Variants in CTBS observed in about 807,000 individuals in gnomAD.
CTBS encodes chitobiase, also known as di-N-acetylchitobiase.
CTBS carries 35 observed loss-of-function variants against 44.3 expected under a neutral mutation model. That is an observed-to-expected ratio of 0.79 (90% CI 0.60 to 1.05). CTBS has a LOEUF of 1.05. Among genes scored for constraint, CTBS ranks in the 50% least tolerant of loss-of-function variants. CTBS has a pLI of 0.00. For synonymous variants in CTBS, 143 were observed against 168.0 expected, an observed-to-expected ratio of 0.85 and a Z score of 1.15; for missense variants, 458 against 475.3, an observed-to-expected ratio of 0.96 and a Z score of 0.34.
chr1:84,574,165 T>C (rs1320075277), intron 1 of CTBS, 74 bp downstream of exon 1: 1 of 1,557,088 alleles, frequency 6.4e-7, no homozygotes, highest in Non-Finnish European at 8.7e-7. Flanking sequence ...CACCTCTCCT[T>C]AGGGCTCCGT....
Position 84,574,336 on chromosome 1 carries a change from AGCGCCAG to A in CTBS, c.73_79del (p.Leu25CysfsTer76). On this transcript the variant is annotated frameshift_variant, in exon 1 of 7. Coordinates refer to ENST00000370630, the MANE Select transcript of CTBS (RefSeq NM_004388.3). LOFTEE classifies it high-confidence loss of function. ...GAGCCGCAGCGCCAGCAGCGCCAGC[AGCGCCAG>A]CAGCGCTAGACCCGGGACGCCGCTC... The A allele has an allele frequency of 6.4e-7, 1 of 1,572,428 alleles. No individual in the cohort carries two copies. Among genetic ancestry groups the A allele is most frequent in the Non-Finnish European group, 8.6e-7 (1 of 1,159,672 alleles).
intron 6 of CTBS, among the ~76,000 whole-genome samples, chr1:84,557,063 G>A (rs530974425): frequency 6.7e-6 from 1 of 149,330 alleles, no homozygotes; most frequent in South Asian, 2.1e-4. Flanking sequence ...AATTGTAAAG[G>A]AACAAAGGGC....
rs1162472641 is a variant in CTBS, at chr1:84,550,383, T to C, written c.*4616A>G. On this transcript the variant is annotated 3_prime_UTR_variant, in exon 7 of 7. Transcript: ENST00000370630. ...TTTATGTTCACAAGGCAGTTAAAAA[T>C]AAAAATGTTTATATGTTATACTAAA... 4 of 953,722 alleles carry C rather than the reference T, an allele frequency of 4.2e-6. No homozygotes were observed. The highest frequency in any genetic ancestry group is 5.9e-6 in the Non-Finnish European group (4 of 682,728). 59.1% of individuals were successfully genotyped at this position (953,722 alleles called of 1,614,324 possible).
At position 84,550,648 on chromosome 1, in the gene CTBS, T is replaced by C; in HGVS notation, c.*4351A>G. 1 of 1,278,022 alleles carries C rather than the reference T, an allele frequency of 7.8e-7. No homozygotes were observed. The highest frequency in any genetic ancestry group is 9.9e-7 in the Non-Finnish European group (1 of 1,005,538). The allele number at this position is 1,278,022 out of a possible 1,614,324, so 79.2% of individuals were successfully genotyped here. ...GTAGCCAGGATTGACTGTATTAAAA[T>C]TGTTACCTTAACAGTAAAGAGCATA... On this transcript the variant is annotated 3_prime_UTR_variant, in exon 7 of 7. Transcript: ENST00000370630.
chr1:84,561,642 A>G (rs1242875643), intron 6 of CTBS, among the ~76,000 whole-genome samples: 1 of 152,210 alleles, frequency 6.6e-6, no homozygotes, highest in African/African-American at 2.4e-5. Flanking sequence ...TTGACGTGGC[A>G]AACTTCACTG....
At chr1:84,572,630 C>G (rs1647346988) in intron 1 of CTBS, among the ~76,000 whole-genome samples, 1 of 151,592 alleles carries the variant, frequency 6.6e-6, no homozygotes, top group Non-Finnish European at 1.5e-5. Flanking sequence ...GCCTAACCCA[C>G]TAAGTATTGG....
At chr1:84,558,579 C>T (rs111231943) in intron 6 of CTBS, among the ~76,000 whole-genome samples, 46,454 of 148,854 alleles carry the variant, frequency 0.31, 8,002 homozygotes, top group African/African-American at 0.46. Context: ...GCGTGAGCCA[C>T]CGCGCCCGGC....
chr1:84,558,796 T>C (rs1049304316), intron 6 of CTBS, among the ~76,000 whole-genome samples: 47 of 151,732 alleles, frequency 3.1e-4, no homozygotes, highest in African/African-American at 1.1e-3. Flanking sequence ...AGCTACTTGG[T>C]AGGCTGAGGC....
intron 1 of CTBS, chr1:84,573,807 AG>A: frequency 1.2e-6 from 1 of 846,740 alleles, no homozygotes; most frequent in Non-Finnish European, 1.4e-6. Flanking sequence ...TAGCAGGTAT[AG>A]AAAACTAAAG....
chr1:84,564,819 G>C (rs1195754738), intron 4 of CTBS, among the ~76,000 whole-genome samples: 1 of 152,146 alleles, frequency 6.6e-6, no homozygotes, highest in Non-Finnish European at 1.5e-5. Context: ...GCTGAGGTGG[G>C]AGGATCACTT....
At chr1:84,571,482 G>A (rs1198033531) in intron 1 of CTBS, among the ~76,000 whole-genome samples, 1 of 152,168 alleles carries the variant, frequency 6.6e-6, no homozygotes, top group African/African-American at 2.4e-5. Context: ...ATAGTACCTA[G>A]GTCAAATTCT....
chr1:84,569,584 C>G (rs75768261), intron 3 of CTBS, among the ~76,000 whole-genome samples: 1,705 of 152,286 alleles, frequency 0.011, 19 homozygotes, highest in Non-Finnish European at 0.019. Context: ...TACACTTCCC[C>G]AGAACTACCT....
In CTBS at chr1:84,565,864, G is replaced by C. The variant is rs373529980; in HGVS notation, c.674C>G (p.Ala225Gly). 1 of 1,566,728 alleles carries C rather than the reference G, an allele frequency of 6.4e-7. No homozygotes were observed. Among genetic ancestry groups the C allele is most frequent in the African/African-American group, 1.4e-5 (1 of 72,106 alleles). ...IWSECIAAANAPYNQTLTGYN... is the reference protein window; with the variant it reads ...IWSECIAAANGPYNQTLTGYN... ...ACCAGTTAATGTCTGATTATAGGGA[G>C]CATTGGCTGCTGCAATACATTCTGA... is the stretch of plus-strand genomic sequence containing the variant. Residue 225 changes from alanine to glycine, a missense_variant, in exon 4 of 7, where the codon GCT becomes GGT. Ala to Gly is a moderately conservative substitution (Grantham distance 60). Transcript: ENST00000370630.
rs1049467093 is a variant in CTBS, at chr1:84,552,857, T to G, written c.*2142A>C. 14 of 528,838 alleles carry G rather than the reference T, an allele frequency of 2.6e-5. No individual in the cohort carries two copies. Among genetic ancestry groups the G allele is most frequent in the African/African-American group, 2.6e-4 (13 of 50,782 alleles). The allele number at this position is 528,838 out of a possible 1,614,324, so 32.8% of individuals were successfully genotyped here. A position where few individuals can be genotyped will look rare whatever the true frequency, so the allele number is the denominator to read the frequency against. On this transcript the variant is annotated 3_prime_UTR_variant, in exon 7 of 7. Transcript: ENST00000370630. ...CTCACCAGTAGATAAGCATGCTTAT[T>G]AAACAGCATTCATAATCTACACATT...
At chr1:84,565,809 T>G (rs41284599) in intron 4 of CTBS, 32 bp downstream of exon 4, 1 of 1,145,692 alleles carries the variant, frequency 8.7e-7, no homozygotes, top group Non-Finnish European at 1.2e-6. Flanking sequence ...ATTATTAATA[T>G]TATTAATAAA....
At chr1:84,558,915 T>C (rs777505698) in intron 6 of CTBS, among the ~76,000 whole-genome samples, 1 of 151,940 alleles carries the variant, frequency 6.6e-6, no homozygotes, top group Admixed American at 6.6e-5. Context: ...AAAAGAAGAA[T>C]GTGTTCCTGC....
chr1:84,550,543 T>C lies in CTBS; in HGVS notation c.*4456A>G. ...AGTAGAAGTTAAGGTAATTTACATT[T>C]TTCCTAATCAGATTATTATAACATT... On this transcript the variant is annotated 3_prime_UTR_variant, in exon 7 of 7. Coordinates refer to ENST00000370630, the MANE Select transcript of CTBS (RefSeq NM_004388.3). 1.3e-6 allele frequency: 2 copies of C among 1,502,210 alleles called. No homozygotes were observed. Among genetic ancestry groups the C allele is most frequent in the Non-Finnish European group, 1.8e-6 (2 of 1,123,196 alleles). The allele number at this position is 1,502,210 out of a possible 1,614,324, so 93.1% of individuals were successfully genotyped here. A position where few individuals can be genotyped will look rare whatever the true frequency, so the allele number is the denominator to read the frequency against.
chr1:84,562,064 T>A (rs1684606101), intron 6 of CTBS, among the ~76,000 whole-genome samples: 1 of 152,228 alleles, frequency 6.6e-6, no homozygotes, highest in Non-Finnish European at 1.5e-5. Flanking sequence ...TTCTAAGAAC[T>A]GCATGTTTCT....
At chr1:84,563,970 T>C (rs1684642498) in intron 4 of CTBS, 138 bp from the exon 5 acceptor site, 2 of 971,370 alleles carry the variant, frequency 2.1e-6, no homozygotes, top group South Asian at 3.9e-5. Flanking sequence ...TAATATGTTA[T>C]AAAACATCCC....
Sources: gnomAD v4.1 joint callset for allele counts (sites outside exome capture counted in the v4.1 genomes callset) on GRCh38, gnomAD v4.1.1 for gene constraint, MANE v1.5 for transcripts, NCBI Gene and HGNC (gene_info 2026-07-23, HGNC 2026-07-21) for gene names.